ZKSCAN2: variants seen among roughly 807,000 people sequenced by gnomAD.
The protein encoded by ZKSCAN2 is zinc finger protein with KRAB and SCAN domains 2.
A neutral mutation model predicts 90.5 loss-of-function variants in ZKSCAN2; 38 were observed. That is an observed-to-expected ratio of 0.42 (90% CI 0.32 to 0.55). ZKSCAN2 has a LOEUF of 0.55. Ranked by LOEUF, ZKSCAN2 falls within the 20% of genes least tolerant of loss-of-function variation. The probability of loss-of-function intolerance (pLI) is 0.11; values close to 1 mark genes in which losing one functional copy is unlikely to be tolerated. For synonymous variants in ZKSCAN2, 429 were observed against 421.6 expected, an observed-to-expected ratio of 1.02 and a Z score of -0.22; for missense variants, 1,167 against 1,202.6, an observed-to-expected ratio of 0.97 and a Z score of 0.44.
At chr16:25,255,535 C>T (rs973610934) in intron 1 of ZKSCAN2, 143 bp from the exon 2 acceptor site, 5 of 868,634 alleles carry the variant, frequency 5.8e-6, no homozygotes, top group African/African-American at 3.4e-5. Context: ...TCTCTGAGAG[C>T]GCTGGGCTGA....
Position 25,253,057 on chromosome 16 carries a change from C to G in ZKSCAN2, c.587-20G>C, listed in dbSNP as rs751158090. The G allele has an allele frequency of 2.0e-5, 32 of 1,591,432 alleles. No homozygotes were observed. Among genetic ancestry groups the G allele is most frequent in the Non-Finnish European group, 2.5e-5 (29 of 1,159,476 alleles). On this transcript the variant is annotated intron_variant, in intron 2 of 6. Coordinates refer to ENST00000328086, the MANE Select transcript of ZKSCAN2 (RefSeq NM_001012981.5). ...GCCGAGCTGTAAGAATAGAAAGAAA[C>G]GATTAGTAATCTGGGCTTTGACCCT...
intron 4 of ZKSCAN2, among the ~76,000 whole-genome samples, chr16:25,250,271 T>A (rs1963001319): frequency 6.6e-6 from 1 of 151,846 alleles, no homozygotes; most frequent in Admixed American, 6.6e-5. Context: ...ATTGCACCAC[T>A]GCACTCCAGC....
At chr16:25,245,264 CTGGCTAATTGT>C (rs1376846018) in intron 5 of ZKSCAN2, among the ~76,000 whole-genome samples, 1 of 152,146 alleles carries the variant, frequency 6.6e-6, no homozygotes, top group Non-Finnish European at 1.5e-5. Flanking sequence ...GCCACCATGC[CTGGCTAATTGT>C]TTTATTTTTT....
rs148950715 is a variant in ZKSCAN2 at position 25,240,625 on chromosome 16, C to G, written c.2095G>C (p.Asp699His). ...KSKRVVSQST[D>H]PSKYRKRECI... is the part of the protein sequence containing the mutation. The stretch of plus-strand genomic sequence containing the variant: ...TCCCTTTTGCGATATTTGCTGGGGT[C>G]GGTACTCTGGGAAACAACTCTTTTA... Residue 699 changes from aspartate to histidine, a missense_variant, in exon 7 of 7, where the codon GAC becomes CAC. Transcript: ENST00000328086. 1.2e-6 allele frequency: 2 copies of G among 1,613,994 alleles called. No individual in the cohort carries two copies. The highest frequency in any genetic ancestry group is 1.7e-6 in the Non-Finnish European group (2 of 1,180,028).
At position 25,256,916 on chromosome 16, in the gene ZKSCAN2, C is replaced by A; in HGVS notation, c.212G>T (p.Cys71Phe). ...ACGCATTTCTGGCTTCAGCCACCGG[C>A]AGCAAAGTTCCCAGAGTTTACTGAA... is the stretch of plus-strand genomic sequence containing the variant. ...EAFSKLWELC[C>F]RWLKPEMRSK... The change falls in exon 1 of 7, where the codon TGC (cysteine) becomes TTC (phenylalanine). Residue 71 changes from cysteine to phenylalanine, a missense_variant. Transcript: ENST00000328086. 6.2e-7 allele frequency: 1 copy of A among 1,614,242 alleles called. No individual in the cohort carries two copies. The highest frequency in any genetic ancestry group is 8.5e-7 in the Non-Finnish European group (1 of 1,180,050).
rs1315685919 is a variant in ZKSCAN2 at position 25,236,377 on chromosome 16, T to A, written c.*3439A>T. The A allele has an allele frequency of 6.6e-6, 1 of 152,358 alleles. No individual in the cohort carries two copies. Among genetic ancestry groups the A allele is most frequent in the Non-Finnish European group, 1.5e-5 (1 of 68,170 alleles). The allele number at this position is 152,358 out of a possible 1,614,324, so 9.4% of individuals were successfully genotyped here. ...CTGGGCTGAGTTTGCTGTCACAGCA[T>A]CCCCTCCCTTTCCTGAAGCATGCGA... On this transcript the variant is annotated 3_prime_UTR_variant, in exon 7 of 7. Transcript: ENST00000328086.
intron 5 of ZKSCAN2, among the ~76,000 whole-genome samples, chr16:25,245,342 G>T (rs1262666859): frequency 6.6e-6 from 1 of 152,140 alleles, no homozygotes; most frequent in Non-Finnish European, 1.5e-5. Flanking sequence ...GGCCTCAAGG[G>T]ATCCTCCCAT....
At chr16:25,254,159 T>C (rs1963061111) in intron 2 of ZKSCAN2, among the ~76,000 whole-genome samples, 1 of 152,254 alleles carries the variant, frequency 6.6e-6, no homozygotes, top group African/African-American at 2.4e-5. Flanking sequence ...TTAGCCTCTG[T>C]GCATTCATGC....
chr16:25,246,411 T>A (rs1400454591), intron 5 of ZKSCAN2: 1 of 425,754 alleles, frequency 2.3e-6, no homozygotes, highest in Non-Finnish European at 4.2e-6. Flanking sequence ...TAATACAAGA[T>A]CCTTAGAACC....
chr16:25,250,037 G>A (rs1192825424), intron 4 of ZKSCAN2, among the ~76,000 whole-genome samples: 2 of 152,092 alleles, frequency 1.3e-5, no homozygotes, highest in East Asian at 1.9e-4. Context: ...GAGCCTGGGC[G>A]CAGTGGCTCA....
At chr16:25,254,566 A>C (rs1963067446) in intron 2 of ZKSCAN2, among the ~76,000 whole-genome samples, 2 of 152,236 alleles carry the variant, frequency 1.3e-5, no homozygotes, top group African/African-American at 4.8e-5. Context: ...TGAAAAACAC[A>C]TGATGATTGT....
rs956739704 is a variant in ZKSCAN2, at chr16:25,255,241, T to C, written c.551A>G (p.Asn184Ser). ...SLHSGHQEQL[N>S]RKRERRPLPK... ...TAAGGGCCGACGTTCTCGCTTTCGG[T>C]TCAGCTGTTCCTGGTGTCCTGAGTG... is the stretch of plus-strand genomic sequence containing the variant. The change falls in exon 2 of 7, where the codon AAC becomes AGC. Residue 184 changes from asparagine to serine, a missense_variant. Physicochemically the swap from Asn to Ser is conservative, Grantham distance 46. Coordinates refer to ENST00000328086, the MANE Select transcript of ZKSCAN2 (RefSeq NM_001012981.5). 16 of 1,609,386 alleles carry C rather than the reference T, an allele frequency of 9.9e-6. No homozygotes were observed. The highest frequency in any genetic ancestry group is 1.2e-5 in the Non-Finnish European group (14 of 1,178,884).
At position 25,257,271 on chromosome 16, in the gene ZKSCAN2, G is replaced by A. The variant is rs1963120634; in HGVS notation, c.-144C>T. ...GGTCGGCAGGAACAGGGTATTCCAG[G>A]CTGATTAATCAAATCTATGCCAGGC... On this transcript the variant is annotated 5_prime_UTR_variant, in exon 1 of 7. Transcript: ENST00000328086. The A allele has an allele frequency of 2.0e-6, 3 of 1,474,770 alleles. No homozygotes were observed. Among genetic ancestry groups the A allele is most frequent in the Admixed American group, 5.0e-5 (2 of 40,290 alleles). The allele number at this position is 1,474,770 out of a possible 1,614,324, so 91.4% of individuals were successfully genotyped here.
chr16:25,247,280 C>T lies in ZKSCAN2; in HGVS notation c.916G>A (p.Val306Ile), dbSNP rs746340371. The T allele has an allele frequency of 2.5e-5, 41 of 1,614,062 alleles. No homozygotes were observed. Among genetic ancestry groups the T allele is most frequent in the Admixed American group, 2.3e-4 (14 of 60,000 alleles). ...ATAGCATGAACTGACTTTTCCTTGA[C>T]GTAGTTGCTTCGTAGGATACTTCTC... ...NKRSILRSNY[V>I]KEKSVHAIQV... The change falls in exon 5 of 7, where the codon GTC becomes ATC. Residue 306 changes from valine to isoleucine, a missense_variant. Physicochemically the swap from Val to Ile is conservative, Grantham distance 29. Coordinates refer to ENST00000328086, the MANE Select transcript of ZKSCAN2 (RefSeq NM_001012981.5).
rs998624854 is a variant in ZKSCAN2 at position 25,236,069 on chromosome 16, A to G, written c.*3747T>C. Reference sequence around the variant, plus strand: ...TCCACAAACAAGTTTTCAAGAAGACATCTAAGTGAACACTGATACAAAACA... The same window carrying G: ...TCCACAAACAAGTTTTCAAGAAGACGTCTAAGTGAACACTGATACAAAACA... On this transcript the variant is annotated 3_prime_UTR_variant, in exon 7 of 7. Transcript: ENST00000328086. 6.6e-6 allele frequency: 1 copy of G among 152,256 alleles called. No homozygotes were observed. Among genetic ancestry groups the G allele is most frequent in the Non-Finnish European group, 1.5e-5 (1 of 68,048 alleles). 9.4% of individuals were successfully genotyped at this position (152,256 alleles called of 1,614,324 possible).
chr16:25,253,092 G>T, intron 2 of ZKSCAN2, 55 bp from the exon 3 acceptor site: 1 of 1,334,762 alleles, frequency 7.5e-7, no homozygotes, highest in South Asian at 1.2e-5. Context: ...TTTAATTCAT[G>T]CTGTCTCTCT....
intron 2 of ZKSCAN2, among the ~76,000 whole-genome samples, chr16:25,254,582 G>T (rs1963067865): frequency 6.6e-6 from 1 of 152,186 alleles, no homozygotes; most frequent in Non-Finnish European, 1.5e-5. Flanking sequence ...ATTGTAGAAT[G>T]TAGATCTTAT....
chr16:25,248,911 G>A (rs1403081682), intron 4 of ZKSCAN2, among the ~76,000 whole-genome samples: 1 of 152,182 alleles, frequency 6.6e-6, no homozygotes, highest in African/African-American at 2.4e-5. Context: ...AATGGATAAA[G>A]AAAATGTGGT....
rs760122199 is a variant in ZKSCAN2, at chr16:25,255,382, G to A, written c.410C>T (p.Pro137Leu). Residue 137 changes from proline (P) to leucine (L), a missense_variant, in exon 2 of 7, where the codon CCC becomes CTC. Pro to Leu is a moderately conservative substitution (Grantham distance 98, BLOSUM62 -3). Coordinates refer to ENST00000328086, the MANE Select transcript of ZKSCAN2 (RefSeq NM_001012981.5). ...TGGGGAGTGCTTCTCCCGGTGCACGGGACTGCTGACCTGAGAAATGAAGTC... is the reference window on the plus strand; with the variant it reads ...TGGGGAGTGCTTCTCCCGGTGCACGAGACTGCTGACCTGAGAAATGAAGTC... Reference protein sequence around the residue: ...TGRLRQQVSSPVHREKHSPLG... With the variant: ...TGRLRQQVSSLVHREKHSPLG... The A allele has an allele frequency of 6.2e-7, 1 of 1,610,968 alleles. No homozygotes were observed. The highest frequency in any genetic ancestry group is 1.3e-5 in the African/African-American group (1 of 74,798).
Sources: gnomAD v4.1 joint callset for allele counts (sites outside exome capture counted in the v4.1 genomes callset) on GRCh38, gnomAD v4.1.1 for gene constraint, MANE v1.5 for transcripts, NCBI Gene and HGNC (gene_info 2026-07-23, HGNC 2026-07-21) for gene names.